The following STK32A variants were observed in gnomAD, a reference collection of about 807,000 sequenced individuals.
STK32A encodes the protein serine/threonine-protein kinase 32A.
A neutral mutation model predicts 53.2 loss-of-function variants in STK32A; 41 were observed. The observed-to-expected ratio is 0.77, with a 90% CI of 0.60 to 1.00. The LOEUF is 1.00. Among genes scored for constraint, STK32A ranks in the 50% least tolerant of loss-of-function variants. The pLI is 0.00. For missense variants in STK32A, 458 were observed against 485.8 expected (o/e 0.94, Z 0.54); for synonymous variants, 166 against 162.8 (o/e 1.02, Z -0.15).
At chr5:147,391,398 G>C (rs1271225636), downstream of STK32A, 1 of 152,588 alleles carries the variant, frequency 6.6e-6, no homozygotes, top group Non-Finnish European at 1.5e-5. Context: ...CACTACCCAA[G>C]CCCGTGGCCC....
At chr5:147,271,686 T>C (rs541954280) in intron 2 of STK32A, among the ~76,000 whole-genome samples, 67 of 152,250 alleles carry the variant, frequency 4.4e-4, no homozygotes, top group Middle Eastern at 3.4e-3. Flanking sequence ...CTTCTATGGT[T>C]GAAACTGTAG....
chr5:147,326,455 C>T (rs568873754), intron 5 of STK32A, among the ~76,000 whole-genome samples: 5 of 152,348 alleles, frequency 3.3e-5, no homozygotes, highest in East Asian at 1.9e-4. Context: ...CCTCTCCCCC[C>T]ACCTCCCAGG....
At chr5:147,397,020 T>A in the STK32A span, among the ~76,000 whole-genome samples, 1 of 113,284 alleles carries the variant, frequency 8.8e-6, no homozygotes, top group Admixed American at 9.4e-5. Flanking sequence ...TATAAATATA[T>A]AAATGTTTAT....
At chr5:147,346,700 A>G (rs531246712) in intron 6 of STK32A, among the ~76,000 whole-genome samples, 5 of 152,316 alleles carry the variant, frequency 3.3e-5, no homozygotes, top group Admixed American at 1.3e-4. Context: ...TTTCCTACCA[A>G]TGTAAGTACC....
At chr5:147,293,479 T>TTA (rs1491121370) in intron 4 of STK32A, among the ~76,000 whole-genome samples, 2 of 106,846 alleles carry the variant, frequency 1.9e-5, no homozygotes, top group Non-Finnish European at 3.6e-5. Flanking sequence ...TATTTCGAGG[T>TTA]AAAAAAAAAA....
chr5:147,356,692 C>T (rs1475486241), intron 7 of STK32A, among the ~76,000 whole-genome samples: 1 of 151,930 alleles, frequency 6.6e-6, no homozygotes, highest in South Asian at 2.1e-4. Context: ...CTCCAAAATC[C>T]AAAACATTTT....
At chr5:147,311,209 T>C (rs1000746030) in intron 4 of STK32A, among the ~76,000 whole-genome samples, 1 of 152,232 alleles carries the variant, frequency 6.6e-6, no homozygotes, top group African/African-American at 2.4e-5. Context: ...CACAGTATCC[T>C]TCACTTTTCT....
chr5:147,241,799 T>C (rs1753594167), intron 2 of STK32A, among the ~76,000 whole-genome samples: 1 of 152,214 alleles, frequency 6.6e-6, no homozygotes, highest in Non-Finnish European at 1.5e-5. Flanking sequence ...CTCTGCTTCC[T>C]CTGGACTCAG....
At chr5:147,321,678 A>G (rs1754328680) in intron 4 of STK32A, among the ~76,000 whole-genome samples, 1 of 152,184 alleles carries the variant, frequency 6.6e-6, no homozygotes, top group Admixed American at 6.5e-5. Flanking sequence ...TTTAAGAAAT[A>G]TATTCTGCTC....
At chr5:147,310,010 C>T (rs1444071076) in intron 4 of STK32A, among the ~76,000 whole-genome samples, 2 of 152,072 alleles carry the variant, frequency 1.3e-5, no homozygotes, top group Non-Finnish European at 2.9e-5. Context: ...TTTCAAAGAG[C>T]CATTTAACAT....
At chr5:147,277,980 A>G in intron 2 of STK32A, 144 bp from the exon 3 acceptor site, 3 of 670,332 alleles carry the variant, frequency 4.5e-6, no homozygotes, top group Non-Finnish European at 7.9e-6. Flanking sequence ...ACAGATGTTT[A>G]CTGGATGATT....
At chr5:147,394,892 G>A in the STK32A span, among the ~76,000 whole-genome samples, 2 of 151,466 alleles carry the variant, frequency 1.3e-5, no homozygotes, top group African/African-American at 2.4e-5. Flanking sequence ...TTCTTTTCTT[G>A]TTATCTTACT....
intron 7 of STK32A, among the ~76,000 whole-genome samples, chr5:147,355,756 G>A (rs1267402549): frequency 1.4e-5 from 2 of 144,898 alleles, no homozygotes; most frequent in Non-Finnish European, 1.5e-5. Flanking sequence ...GTATGTATGT[G>A]TATATATGTA....
the STK32A span, chr5:147,399,321 C>A: frequency 1.3e-6 from 2 of 1,491,828 alleles, no homozygotes; most frequent in Non-Finnish European, 1.8e-6. Flanking sequence ...CTTCTGAACT[C>A]AGAGAAAGAC....
chr5:147,359,821 C>T (rs1160930522), intron 7 of STK32A, among the ~76,000 whole-genome samples: 1 of 152,132 alleles, frequency 6.6e-6, no homozygotes, highest in Non-Finnish European at 1.5e-5. Flanking sequence ...GCATCAAGCT[C>T]TTATAGTCAG....
chr5:147,262,440 G>A (rs1754620002), intron 2 of STK32A, among the ~76,000 whole-genome samples: 1 of 152,170 alleles, frequency 6.6e-6, no homozygotes. Flanking sequence ...CCTATAGTTA[G>A]TTCATCCTTC....
Position 147,247,268 on chromosome 5 carries a change from C to A in STK32A, c.52+7582C>A, listed in dbSNP as rs1452142921. 2.0e-5 allele frequency among the ~76,000 whole-genome samples: 3 copies of A among 152,288 alleles called. No homozygotes were observed. The East Asian group carries it at 5.8e-4, about 29-fold the overall frequency. On this transcript the variant is annotated intron_variant, in intron 2 of 12. Coordinates refer to ENST00000397936, the MANE Select transcript of STK32A (RefSeq NM_001112724.2). Reference sequence around the variant, plus strand: ...GCCCTCAATTCACAAACTCAGGTCCCATGAAATATACACGGATTTCTACTA... The same window carrying A: ...GCCCTCAATTCACAAACTCAGGTCCAATGAAATATACACGGATTTCTACTA...
chr5:147,271,941 T>C (rs146444509), intron 2 of STK32A, among the ~76,000 whole-genome samples: 7,035 of 152,234 alleles, frequency 0.046, 301 homozygotes, highest in Admixed American at 0.13. Context: ...ACGTGATCTC[T>C]GTGACCCACA....
At chr5:147,246,390 T>C (rs1156773859) in intron 2 of STK32A, among the ~76,000 whole-genome samples, 1 of 152,202 alleles carries the variant, frequency 6.6e-6, no homozygotes, top group Non-Finnish European at 1.5e-5. Context: ...TGAATACTTG[T>C]TTAGAAGAAT....
Sources: gnomAD v4.1 joint callset for allele counts (sites outside exome capture counted in the v4.1 genomes callset) on GRCh38, gnomAD v4.1.1 for gene constraint, MANE v1.5 for transcripts, NCBI Gene and HGNC (gene_info 2026-07-23, HGNC 2026-07-21) for gene names.